UTRN: variants seen among roughly 807,000 people sequenced by gnomAD.
UTRN encodes utrophin.
Under a neutral mutation model 463.9 loss-of-function variants are expected in UTRN, and 283 were observed. That is an observed-to-expected ratio of 0.61 (90% CI 0.55 to 0.67). UTRN has a LOEUF of 0.67. Among genes scored for constraint, UTRN ranks in the 30% least tolerant of loss-of-function variants. The pLI is 0.00. For missense variants in UTRN, 3,922 were observed against 4,084.3 expected (o/e 0.96, Z 1.08); for synonymous variants, 1,442 against 1,431.5 (o/e 1.01, Z -0.17).
chr6:144,416,334 A>G, intron 3 of UTRN, among the ~76,000 whole-genome samples: 1 of 152,184 alleles, frequency 6.6e-6, no homozygotes. Context: ...TTCTGCCCAC[A>G]GTGAACCTGA....
chr6:144,840,138 A>G (rs532468719), intron 72 of UTRN, among the ~76,000 whole-genome samples: 1 of 152,206 alleles, frequency 6.6e-6, no homozygotes, highest in East Asian at 1.9e-4. Context: ...CAGTGAGCCG[A>G]GATCGCACCA....
At chr6:144,615,948 T>A (rs1049179204) in intron 51 of UTRN, among the ~76,000 whole-genome samples, 28 of 152,148 alleles carry the variant, frequency 1.8e-4, no homozygotes, top group Admixed American at 4.6e-4. Context: ...TCTGACATTT[T>A]AAAAATTTTT....
intron 15 of UTRN, 48 bp downstream of exon 15, chr6:144,447,366 T>A: frequency 6.5e-7 from 1 of 1,550,350 alleles, no homozygotes. Flanking sequence ...TATGATATCT[T>A]AATGTTTTAT....
intron 2 of UTRN, among the ~76,000 whole-genome samples, chr6:144,312,386 T>A (rs1774992705): frequency 6.8e-6 from 1 of 147,526 alleles, no homozygotes; most frequent in African/African-American, 2.5e-5. Flanking sequence ...ATTGCGCCAC[T>A]GCACTCCAGC....
intron 9 of UTRN, among the ~76,000 whole-genome samples, chr6:144,433,352 C>A (rs1232505973): frequency 6.6e-6 from 1 of 151,102 alleles, no homozygotes; most frequent in Admixed American, 6.6e-5. Flanking sequence ...GGGCGGCTGG[C>A]CTGGCGGGGG....
chr6:144,464,565 A>G (rs1789743172), intron 23 of UTRN, among the ~76,000 whole-genome samples: 2 of 151,828 alleles, frequency 1.3e-5, no homozygotes, highest in Non-Finnish European at 1.5e-5. Context: ...CCATGGTGCA[A>G]TCTTGGCTTA....
intron 2 of UTRN, among the ~76,000 whole-genome samples, chr6:144,378,037 G>T (rs1780609568): frequency 6.6e-6 from 1 of 152,118 alleles, no homozygotes; most frequent in Non-Finnish European, 1.5e-5. Context: ...TGCCTTTAGG[G>T]ACTATTATTA....
chr6:144,418,104 A>G, intron 3 of UTRN, among the ~76,000 whole-genome samples: 1 of 152,192 alleles, frequency 6.6e-6, no homozygotes. Context: ...ATAGATGCAG[A>G]AAGGCCAAGT....
intron 19 of UTRN, among the ~76,000 whole-genome samples, chr6:144,454,249 G>C (rs7758035): frequency 6.6e-6 from 1 of 152,034 alleles, no homozygotes; most frequent in Admixed American, 6.5e-5. Context: ...ACGAAGTTAC[G>C]TTAAATTCAT....
intron 58 of UTRN, among the ~76,000 whole-genome samples, chr6:144,762,091 T>C (rs1460174103): frequency 1.3e-5 from 2 of 152,176 alleles, no homozygotes; most frequent in Admixed American, 6.5e-5. Context: ...AAGTGAAGTA[T>C]AGGTACTATA....
intron 2 of UTRN, among the ~76,000 whole-genome samples, chr6:144,382,524 A>T (rs1237169261): frequency 6.6e-6 from 1 of 152,180 alleles, no homozygotes; most frequent in Non-Finnish European, 1.5e-5. Flanking sequence ...CCATGATGAC[A>T]GTTGGGTTTT....
chr6:144,762,610 T>C (rs1033637678), intron 58 of UTRN, among the ~76,000 whole-genome samples: 4 of 152,188 alleles, frequency 2.6e-5, no homozygotes, highest in Non-Finnish European at 5.9e-5. Context: ...ACAAAGGTGC[T>C]TTTTCATAGA....
At chr6:144,385,916 C>T (rs764399389) in intron 2 of UTRN, among the ~76,000 whole-genome samples, 1 of 152,060 alleles carries the variant, frequency 6.6e-6, no homozygotes, top group East Asian at 1.9e-4. Flanking sequence ...ATCATGTTGA[C>T]CAGGCTGGTC....
rs1780132361 is a variant in UTRN, at chr6:144,825,898, C to T, written c.9495-1450C>T. 2.7e-5 allele frequency among the ~76,000 whole-genome samples: 4 copies of T among 148,286 alleles called. No individual in the cohort carries two copies. The South Asian group carries it at 6.4e-4, about 24-fold the overall frequency. ...CACATATGTAAATTAAGTTTACTGA[C>T]AGTATAGATATTCTGACAAACAGTC... On this transcript the variant is annotated intron_variant, in intron 66 of 74. Transcript: ENST00000367545.
chr6:144,762,728 C>G (rs554590847), intron 58 of UTRN, among the ~76,000 whole-genome samples: 3 of 152,268 alleles, frequency 2.0e-5, no homozygotes, highest in African/African-American at 7.2e-5. Context: ...TTCACATGAT[C>G]TGAAGATTTC....
chr6:144,430,103 T>A (rs967929759), intron 9 of UTRN, among the ~76,000 whole-genome samples: 1 of 152,196 alleles, frequency 6.6e-6, no homozygotes, highest in African/African-American at 2.4e-5. Flanking sequence ...GTTTTTTTTC[T>A]AAGTACTAAT....
At chr6:144,379,975 G>A (rs909175563) in intron 2 of UTRN, among the ~76,000 whole-genome samples, 1 of 152,186 alleles carries the variant, frequency 6.6e-6, no homozygotes, top group Non-Finnish European at 1.5e-5. Context: ...CAGGCAGGGA[G>A]TGTTCTATTC....
At chr6:144,688,306 CT>C (rs1482582019) in intron 52 of UTRN, among the ~76,000 whole-genome samples, 1 of 151,908 alleles carries the variant, frequency 6.6e-6, no homozygotes, top group African/African-American at 2.4e-5. Context: ...TTGTTTTTCA[CT>C]TTTCTCTTGT....
intron 53 of UTRN, among the ~76,000 whole-genome samples, chr6:144,712,134 C>T (rs1323753476): frequency 6.6e-6 from 1 of 152,152 alleles, no homozygotes; most frequent in African/African-American, 2.4e-5. Context: ...AAATTATTTT[C>T]CAAGTTCCTC....
Sources: allele counts gnomAD v4.1 joint callset (sites outside exome capture counted in the v4.1 genomes callset), GRCh38; gene constraint gnomAD v4.1.1; transcripts MANE v1.5; gene names NCBI Gene and HGNC (gene_info 2026-07-23, HGNC 2026-07-21).